RPH3AL: variants seen among roughly 807,000 people sequenced by gnomAD.
RPH3AL encodes rab effector Noc2.
Under a neutral mutation model 43.1 loss-of-function variants are expected in RPH3AL, and 38 were observed. The ratio of observed to expected loss-of-function variants is 0.88; its 90% CI spans 0.68 to 1.15. The LOEUF (loss-of-function observed/expected upper bound fraction) is 1.15. Ranked by LOEUF, RPH3AL falls within the 50% of genes most tolerant of loss-of-function variation. RPH3AL has a pLI of 0.00. For synonymous variants in RPH3AL, 189 were observed against 176.3 expected, an observed-to-expected ratio of 1.07 and a Z score of -0.57; for missense variants, 462 against 423.2, an observed-to-expected ratio of 1.09 and a Z score of -0.81.
At chr17:316,347 GTC>G (rs2044182327) in intron 5 of RPH3AL, among the ~76,000 whole-genome samples, 1 of 147,748 alleles carries the variant, frequency 6.8e-6, no homozygotes, top group Non-Finnish European at 1.5e-5. Context: ...CTGACCTGTA[GTC>G]TCTGTGCTCC....
intron 5 of RPH3AL, among the ~76,000 whole-genome samples, chr17:301,596 C>A (rs977535828): frequency 2.6e-5 from 4 of 151,784 alleles, no homozygotes; most frequent in Non-Finnish European, 5.9e-5. Context: ...CACAACCAGG[C>A]CCACCTAATT....
At chr17:299,159 G>T (rs2043258405) in intron 5 of RPH3AL, among the ~76,000 whole-genome samples, 1 of 152,172 alleles carries the variant, frequency 6.6e-6, no homozygotes, top group African/African-American at 2.4e-5. Context: ...CTCGTCCACA[G>T]TCTGGAACCC....
At chr17:319,087 G>C (rs556520846) in intron 5 of RPH3AL, among the ~76,000 whole-genome samples, 1 of 152,320 alleles carries the variant, frequency 6.6e-6, no homozygotes, top group Non-Finnish European at 1.5e-5. Flanking sequence ...TACAGACAAG[G>C]AACATCAGGT....
In RPH3AL at chr17:281,850, A is replaced by C; in HGVS notation, c.356T>G (p.Val119Gly). ...GGCCTCGATCCCACATTTGGTGCAG[A>C]CTTTCTACAAGAGAGAGGACATGGG... ...SVFCKDCRKK[V>G]CTKCGIEASP... Residue 119 changes from valine (V) to glycine (G), a missense_variant, in exon 6 of 10, where the codon GTC (valine) becomes GGC (glycine). Val to Gly is a moderately radical substitution (Grantham distance 109). Coordinates refer to ENST00000331302, the MANE Select transcript of RPH3AL (RefSeq NM_006987.4). The C allele has an allele frequency of 6.2e-7, 1 of 1,613,650 alleles. No individual in the cohort carries two copies. Among genetic ancestry groups the C allele is most frequent in the Non-Finnish European group, 8.5e-7 (1 of 1,179,716 alleles).
chr17:321,172 A>G, intron 4 of RPH3AL, 100 bp downstream of exon 4: 1 of 1,434,600 alleles, frequency 7.0e-7, no homozygotes, highest in Non-Finnish European at 9.5e-7. Context: ...CCAGAGGTAA[A>G]TAGCAAAACC....
intron 7 of RPH3AL, among the ~76,000 whole-genome samples, chr17:240,704 G>A (rs760691848): frequency 2.0e-5 from 3 of 152,174 alleles, no homozygotes; most frequent in Admixed American, 6.5e-5. Flanking sequence ...ATGGACGTAT[G>A]AGTTGTTGCC....
At chr17:351,811 AC>A (rs560331353) in intron 1 of RPH3AL, among the ~76,000 whole-genome samples, 141 of 152,362 alleles carry the variant, frequency 9.3e-4, no homozygotes, top group African/African-American at 3.2e-3. Context: ...ATGAAAAAAA[AC>A]AAGTTATGCT....
intron 7 of RPH3AL, among the ~76,000 whole-genome samples, chr17:232,314 C>A (rs1339794074): frequency 6.6e-6 from 1 of 152,158 alleles, no homozygotes; most frequent in African/African-American, 2.4e-5. Context: ...GGGGATGACA[C>A]GAAATAACGG....
At chr17:237,398 G>A (rs115128536) in intron 7 of RPH3AL, among the ~76,000 whole-genome samples, 2 of 152,294 alleles carry the variant, frequency 1.3e-5, no homozygotes, top group African/African-American at 4.8e-5. Flanking sequence ...GTGTCACCCC[G>A]TTCAAAGCCA....
rs888101496 is a variant in RPH3AL, at chr17:283,392, C to T, written c.352-1538G>A. 1.3e-5 allele frequency among the ~76,000 whole-genome samples: 2 copies of T among 152,196 alleles called. No homozygotes were observed. Among genetic ancestry groups the T allele is most frequent in the East Asian group, 1.9e-4 (1 of 5,172 alleles). ...GGACGGAAGCTATGATACATTCCTGCGGGGGACGGATTTGCTACCATCCAA... is the reference window on the plus strand; with the variant it reads ...GGACGGAAGCTATGATACATTCCTGTGGGGGACGGATTTGCTACCATCCAA... On this transcript the variant is annotated intron_variant, in intron 5 of 9. Transcript: ENST00000331302. The surrounding 1 kb of genome is among the most constrained non-coding windows in gnomAD (Gnocchi z 4.2).
intron 6 of RPH3AL, among the ~76,000 whole-genome samples, chr17:269,530 TAGA>T (rs2042412334): frequency 6.6e-6 from 1 of 152,214 alleles, no homozygotes; most frequent in Non-Finnish European, 1.5e-5. Context: ...ATAGAGCTGT[TAGA>T]AGGTGTTCTG....
At chr17:299,529 C>T (rs2043268793) in intron 5 of RPH3AL, among the ~76,000 whole-genome samples, 1 of 152,192 alleles carries the variant, frequency 6.6e-6, no homozygotes, top group African/African-American at 2.4e-5. Context: ...AGAAGAGCTG[C>T]CCCCCGTGTC....
rs185156071 is a variant in RPH3AL at position 299,093 on chromosome 17, C to T, written c.352-17239G>A. Among the ~76,000 whole-genome samples the T allele has an allele frequency of 5.2e-3, 796 of 152,156 alleles. 7 individuals carry two copies. The highest frequency in any genetic ancestry group is 0.017 in the African/African-American group (694 of 41,514). On this transcript the variant is annotated intron_variant, in intron 5 of 9. Transcript: ENST00000331302. Reference sequence around the variant, plus strand: ...GGAGGGAGGGGGACAGTGACCTAATCGGAGCTGCACTTGAACAAGCAGAGG... The same window carrying T: ...GGAGGGAGGGGGACAGTGACCTAATTGGAGCTGCACTTGAACAAGCAGAGG...
intron 7 of RPH3AL, among the ~76,000 whole-genome samples, chr17:235,861 G>T (rs1597900444): frequency 6.9e-6 from 1 of 144,078 alleles, no homozygotes; most frequent in African/African-American, 2.5e-5. Context: ...CGGGTTCAAA[G>T]CTGGGGTCGG....
intron 5 of RPH3AL, among the ~76,000 whole-genome samples, chr17:314,233 G>A (rs1480251250): frequency 6.6e-6 from 1 of 152,136 alleles, no homozygotes; most frequent in African/African-American, 2.4e-5. Flanking sequence ...CCCTATAGCT[G>A]GAATATTTAC....
At chr17:253,119 C>T (rs572084154) in intron 6 of RPH3AL, among the ~76,000 whole-genome samples, 11 of 152,266 alleles carry the variant, frequency 7.2e-5, no homozygotes, top group East Asian at 1.9e-4. Flanking sequence ...CAGGGAACCA[C>T]GGTGGGCTTG....
chr17:232,006 G>T (rs535675140), intron 7 of RPH3AL, among the ~76,000 whole-genome samples: 13 of 152,360 alleles, frequency 8.5e-5, no homozygotes, highest in African/African-American at 2.6e-4. Context: ...CATCTGTTCT[G>T]GGGGCGGCCC....
chr17:304,357 G>A (rs984565921), intron 5 of RPH3AL, among the ~76,000 whole-genome samples: 9 of 151,860 alleles, frequency 5.9e-5, no homozygotes, highest in South Asian at 2.1e-4. Context: ...AGCCCAGGCC[G>A]GGAGGACGCA....
intron 7 of RPH3AL, among the ~76,000 whole-genome samples, chr17:224,432 T>G (rs958306804): frequency 1.5e-4 from 23 of 152,294 alleles, no homozygotes; most frequent in African/African-American, 5.5e-4. Context: ...CCACCCGTCT[T>G]CTCTTGGCAC....
Sources: gnomAD v4.1 joint callset for allele counts (sites outside exome capture counted in the v4.1 genomes callset) on GRCh38, gnomAD v4.1.1 for gene constraint, Gnocchi (gnomAD v3.1) non-coding constraint, MANE v1.5 for transcripts, NCBI Gene and HGNC (gene_info 2026-07-23, HGNC 2026-07-21) for gene names.